Variants in EPS8 observed in about 807,000 individuals in gnomAD.
EPS8 encodes the protein epidermal growth factor receptor kinase substrate 8.
EPS8 carries 42 observed loss-of-function variants against 103.8 expected under a neutral mutation model. The ratio of observed to expected loss-of-function variants is 0.40; its 90% CI spans 0.32 to 0.52. The LOEUF (loss-of-function observed/expected upper bound fraction) is 0.52. EPS8 is among the 20% of genes least tolerant of loss of function. The probability of loss-of-function intolerance (pLI) is 0.40; values close to 1 mark genes in which losing one functional copy is unlikely to be tolerated. For missense variants in EPS8, 969 were observed against 1,005.1 expected (o/e 0.96, Z 0.49); for synonymous variants, 344 against 344.6 (o/e 1.00, Z 0.02).
rs1947024659 is a variant in EPS8 at position 15,760,009 on chromosome 12, AT to A, written c.-22+29151del. Among the ~76,000 whole-genome samples the A allele has an allele frequency of 2.6e-5, 4 of 152,012 alleles. No individual in the cohort carries two copies. The highest frequency in any genetic ancestry group is 6.5e-5 in the Admixed American group (1 of 15,268). On this transcript the variant is annotated intron_variant, in intron 1 of 20. Transcript: ENST00000281172. This position sits in a 1 kb window ranked among gnomAD's most constrained non-coding sequence, Gnocchi z 4.5. ...TTAAAAAGAAGAAAATATAAAAAAA[AT>A]CAATGAAACTAAAAGTTGGTTTTCT...
rs184801567 is a variant in EPS8, at chr12:15,667,775, C to T, written c.517-1253G>A. Among the ~76,000 whole-genome samples, 585 of 152,274 alleles carry T rather than the reference C, an allele frequency of 3.8e-3. 1 individual carries two copies. The highest frequency in any genetic ancestry group is 6.5e-3 in the Non-Finnish European group (443 of 68,004). ...TTTTAACCAGCCAAGCGAAAAATGTCTCATATGCAGAGTATGAAACTAATG... is the reference window on the plus strand; with the variant it reads ...TTTTAACCAGCCAAGCGAAAAATGTTTCATATGCAGAGTATGAAACTAATG... On this transcript the variant is annotated intron_variant, in intron 6 of 20. Coordinates refer to ENST00000281172, the MANE Select transcript of EPS8 (RefSeq NM_004447.6).
At chr12:15,637,481 G>T (rs1945156103) in intron 17 of EPS8, among the ~76,000 whole-genome samples, 1 of 152,168 alleles carries the variant, frequency 6.6e-6, no homozygotes, top group South Asian at 2.1e-4. Flanking sequence ...AAAAAAATGT[G>T]CCTCCTTCAC....
rs760497376 is a variant in EPS8 at position 15,666,432 on chromosome 12, GC to G, written c.599+7del. ...ATTCCACTCCTTGATTTCTTTCAAT[GC>G]TTTTACCTCAGGGCGTCGGGCCGCC... is the stretch of plus-strand genomic sequence containing the variant. On this transcript the variant is annotated splice_region_variant and intron_variant, in intron 7 of 20. Transcript: ENST00000281172. 4.8e-5 allele frequency: 77 copies of G among 1,606,454 alleles called. No homozygotes were observed. In the East Asian group the frequency reaches 1.7e-3, roughly 35 times the overall value.
chr12:15,740,085 A>C (rs1946804556), intron 1 of EPS8, among the ~76,000 whole-genome samples: 1 of 152,166 alleles, frequency 6.6e-6, no homozygotes, highest in Non-Finnish European at 1.5e-5. Flanking sequence ...CAAAGAAAAA[A>C]TCGGAGCAGA....
At chr12:15,750,949 T>C (rs878876257) in intron 1 of EPS8, among the ~76,000 whole-genome samples, 4 of 152,108 alleles carry the variant, frequency 2.6e-5, no homozygotes, top group Admixed American at 2.0e-4. Context: ...TTACAGTACA[T>C]TGCAAGAACA....
In EPS8 at chr12:15,753,049, A is replaced by G. The variant is rs571533344; in HGVS notation, c.-22+36112T>C. Among the ~76,000 whole-genome samples the G allele has an allele frequency of 2.0e-5, 3 of 151,774 alleles. 1 individual carries two copies. The highest frequency in any genetic ancestry group is 7.3e-5 in the African/African-American group (3 of 41,338). ...GCAACTAGATCCTTCAGAAATTAGG[A>G]TATCTCTTTGAGCTGCAAATCCAGG... On this transcript the variant is annotated intron_variant, in intron 1 of 20. Coordinates refer to ENST00000281172, the MANE Select transcript of EPS8 (RefSeq NM_004447.6).
Position 15,764,574 on chromosome 12 carries a change from A to G in EPS8, c.-22+24587T>C, listed in dbSNP as rs1215263527. ...CTCTAAATCTATGACTATACAACCT[A>G]AAGATTTTATTTTCAGGGCTTGATG... On this transcript the variant is annotated intron_variant, in intron 1 of 20. Coordinates refer to ENST00000281172, the MANE Select transcript of EPS8 (RefSeq NM_004447.6). This position sits in a 1 kb window ranked among gnomAD's most constrained non-coding sequence, Gnocchi z 4.1. 2.6e-5 allele frequency among the ~76,000 whole-genome samples: 4 copies of G among 152,218 alleles called. No individual in the cohort carries two copies. The highest frequency in any genetic ancestry group is 5.9e-5 in the Non-Finnish European group (4 of 68,036).
chr12:15,781,569 A>G lies in EPS8; in HGVS notation c.-22+7592T>C, dbSNP rs934602376. ...TAATGTATGTAACACCTGCCACACA[A>G]AAGGTACTATTATTATGTGAGCTGC... On this transcript the variant is annotated intron_variant, in intron 1 of 20. Transcript: ENST00000281172. The surrounding 1 kb of genome is among the most constrained non-coding windows in gnomAD (Gnocchi z 4.1). 6.6e-6 allele frequency among the ~76,000 whole-genome samples: 1 copy of G among 152,214 alleles called. No homozygotes were observed. The highest frequency in any genetic ancestry group is 2.4e-5 in the African/African-American group (1 of 41,460).
rs1180629377 is a variant in EPS8 at position 15,721,966 on chromosome 12, A to C, written c.-21-38994T>G. On this transcript the variant is annotated intron_variant, in intron 1 of 20. Coordinates refer to ENST00000281172, the MANE Select transcript of EPS8 (RefSeq NM_004447.6). The surrounding 1 kb of genome is among the most constrained non-coding windows in gnomAD (Gnocchi z 4.4). Reference sequence around the variant, plus strand: ...AATTTTTCTAGTTTTTTTTTAATGCATACATACTTTTTTTTTTCAAAGGGG... The same window carrying C: ...AATTTTTCTAGTTTTTTTTTAATGCCTACATACTTTTTTTTTTCAAAGGGG... Among the ~76,000 whole-genome samples, 1 of 151,644 alleles carries C rather than the reference A, an allele frequency of 6.6e-6. No individual in the cohort carries two copies. Among genetic ancestry groups the C allele is most frequent in the African/African-American group, 2.4e-5 (1 of 41,304 alleles).
intron 3 of EPS8, among the ~76,000 whole-genome samples, chr12:15,672,253 C>G (rs950096819): frequency 6.6e-6 from 1 of 152,080 alleles, no homozygotes; most frequent in Admixed American, 6.5e-5. Flanking sequence ...AACATTAACA[C>G]AGAATTTTAA....
intron 5 of EPS8, 26 bp downstream of exon 5, chr12:15,669,638 A>C (rs747249920): frequency 1.5e-5 from 23 of 1,566,910 alleles, no homozygotes; most frequent in Non-Finnish European, 2.0e-5. Context: ...CTTGAAAATA[A>C]AATAGTATAA....
intron 2 of EPS8, among the ~76,000 whole-genome samples, chr12:15,682,525 C>T: frequency 6.6e-6 from 1 of 152,120 alleles, no homozygotes; most frequent in East Asian, 1.9e-4. Flanking sequence ...TGACATTTAA[C>T]CCTTCTCAAA....
At chr12:15,763,690 C>T (rs1947064551) in intron 1 of EPS8, among the ~76,000 whole-genome samples, 1 of 152,302 alleles carries the variant, frequency 6.6e-6, no homozygotes, top group South Asian at 2.1e-4. Flanking sequence ...TATGCACACG[C>T]TGCATGGCAC....
At position 15,661,824 on chromosome 12, in the gene EPS8, T is replaced by C. The variant is rs4763429; in HGVS notation, c.810+202A>G. 0.8 allele frequency among the ~76,000 whole-genome samples: 121,373 copies of C among 152,196 alleles called. 53,983 individuals are homozygous for C. The highest frequency in any genetic ancestry group is 0.98 in the Non-Finnish European group (66,333 of 68,018). ...TTCTTCTATCATAGCCCAAGTCTACTAACTAAATATTGGCATAAAGGCAAA... is the reference window on the plus strand; with the variant it reads ...TTCTTCTATCATAGCCCAAGTCTACCAACTAAATATTGGCATAAAGGCAAA... On this transcript the variant is annotated intron_variant, in intron 9 of 20. Transcript: ENST00000281172.
rs1472327132 is a variant in EPS8 at position 15,701,817 on chromosome 12, A to G, written c.-21-18845T>C. 6.6e-6 allele frequency among the ~76,000 whole-genome samples: 1 copy of G among 152,174 alleles called. No homozygotes were observed. The highest frequency in any genetic ancestry group is 1.5e-5 in the Non-Finnish European group (1 of 68,014). The stretch of plus-strand genomic sequence containing the variant: ...CGGCCCTTAGGGGAAGAAAAATAAC[A>G]TAACATTTCCTTCTTCAAAATAACA... On this transcript the variant is annotated intron_variant, in intron 1 of 20. Transcript: ENST00000281172. This position sits in a 1 kb window ranked among gnomAD's most constrained non-coding sequence, Gnocchi z 5.1.
chr12:15,654,254 C>T lies in EPS8; in HGVS notation c.1141G>A (p.Val381Ile), dbSNP rs899466573. The T allele has an allele frequency of 6.2e-7, 1 of 1,613,648 alleles. No individual in the cohort carries two copies. The highest frequency in any genetic ancestry group is 8.5e-7 in the Non-Finnish European group (1 of 1,179,728). Residue 381 changes from valine to isoleucine, a missense_variant, in exon 13 of 21, where the codon GTA becomes ATA. Transcript: ENST00000281172. ...ATGGPELASS[V>I]LSPLLNKDTI... Reference sequence around the variant, plus strand: ...TCCTTATTCAATAGGGGACTAAGTACTGAACTGGCTAGTTCAGGACCTCCT... The same window carrying T: ...TCCTTATTCAATAGGGGACTAAGTATTGAACTGGCTAGTTCAGGACCTCCT...
rs957491169 is a variant in EPS8, at chr12:15,695,741, G to A, written c.-21-12769C>T. ...TATAATCCCAGCACTTTGGGAGGCC[G>A]AGGTGGGTGGATCACCTGAGGTCAG... On this transcript the variant is annotated intron_variant, in intron 1 of 20. Coordinates refer to ENST00000281172, the MANE Select transcript of EPS8 (RefSeq NM_004447.6). The surrounding 1 kb of genome is among the most constrained non-coding windows in gnomAD (Gnocchi z 5.0). Among the ~76,000 whole-genome samples, 3 of 151,982 alleles carry A rather than the reference G, an allele frequency of 2.0e-5. No individual in the cohort carries two copies. The highest frequency in any genetic ancestry group is 4.2e-4 in the South Asian group (2 of 4,814).
Position 15,669,375 on chromosome 12 carries a change from C to A in EPS8, c.516+12G>T. 1 of 1,588,346 alleles carries A rather than the reference C, an allele frequency of 6.3e-7. No homozygotes were observed. The highest frequency in any genetic ancestry group is 8.5e-7 in the Non-Finnish European group (1 of 1,170,792). On this transcript the variant is annotated intron_variant, in intron 6 of 20. Coordinates refer to ENST00000281172, the MANE Select transcript of EPS8 (RefSeq NM_004447.6). ...GCTTAAAGAAGAAACAAAAATTTCA[C>A]CATTCTTTTACCTTAACCTCATCAC...
chr12:15,710,220 T>A (rs1440021374), intron 1 of EPS8, among the ~76,000 whole-genome samples: 1 of 152,174 alleles, frequency 6.6e-6, no homozygotes, highest in Non-Finnish European at 1.5e-5. Flanking sequence ...AGATAAAGAA[T>A]CCAATGGAAT....
Sources: gnomAD v4.1 joint callset for allele counts (sites outside exome capture counted in the v4.1 genomes callset) on GRCh38, gnomAD v4.1.1 for gene constraint, Gnocchi (gnomAD v3.1) non-coding constraint, MANE v1.5 for transcripts, NCBI Gene and HGNC (gene_info 2026-07-23, HGNC 2026-07-21) for gene names.